Variants in ZNF207 observed in about 807,000 individuals in gnomAD.
The protein encoded by ZNF207 is BUB3-interacting and GLEBS motif-containing protein ZNF207.
A neutral mutation model predicts 60.2 loss-of-function variants in ZNF207; 24 were observed. That is an observed-to-expected ratio of 0.40 (90% CI 0.29 to 0.56). ZNF207 has a LOEUF of 0.56. Ranked by LOEUF, ZNF207 falls within the 20% of genes least tolerant of loss-of-function variation. The pLI is 0.49. For synonymous variants in ZNF207, 236 were observed against 194.7 expected, an observed-to-expected ratio of 1.21 and a Z score of -1.77; for missense variants, 452 against 636.6, an observed-to-expected ratio of 0.71 and a Z score of 3.12.
chr17:32,352,018 A>T, intron 2 of ZNF207, 106 bp downstream of exon 2: 7 of 1,166,312 alleles, frequency 6.0e-6, no homozygotes, highest in Non-Finnish European at 8.2e-6. Context: ...CCCAAGCTGG[A>T]GTGCAGTGGT....
At chr17:32,365,278 C>G in intron 7 of ZNF207, 52 bp from the exon 8 acceptor site, 13 of 1,560,672 alleles carry the variant, frequency 8.3e-6, no homozygotes, top group Non-Finnish European at 9.5e-6. Context: ...GCGTTTTTTT[C>G]CACACTAAAT....
Position 32,369,445 on chromosome 17 carries a change from C to T in ZNF207, c.1315C>T (p.Pro439Ser). The T allele has an allele frequency of 1.2e-6, 2 of 1,614,130 alleles. No individual in the cohort carries two copies. Among genetic ancestry groups the T allele is most frequent in the Non-Finnish European group, 8.5e-7 (1 of 1,180,016 alleles). Reference sequence around the variant, plus strand: ...GCAACAAGGAATGAGACCCCCAATGCCACCTCATGGTATTCCTCTTTTTAT... The same window carrying T: ...GCAACAAGGAATGAGACCCCCAATGTCACCTCATGGTATTCCTCTTTTTAT... The part of the protein sequence containing the change: ...PQQQGMRPPM[P>S]PHGQYGGHHQ... The change falls in exon 11 of 12, where the codon CCA becomes TCA. Residue 439 changes from proline to serine, a missense_variant. Around this residue, in one of 2 missense-constraint regions of ZNF207, gnomAD observed 390 missense variants for 461.4 expected, o/e 0.85. Coordinates refer to ENST00000394670, the MANE Select transcript of ZNF207 (RefSeq NM_001098507.2).
intron 1 of ZNF207, 84 bp from the exon 2 acceptor site, chr17:32,351,702 C>T: frequency 1.9e-6 from 3 of 1,610,946 alleles, no homozygotes; most frequent in Non-Finnish European, 2.5e-6. Flanking sequence ...TTTAGCTGTT[C>T]CCATATTGTA....
At position 32,357,930 on chromosome 17, in the gene ZNF207, C is replaced by T. The variant is rs559221374; in HGVS notation, c.169-573C>T. Among the ~76,000 whole-genome samples, 5 of 152,190 alleles carry T rather than the reference C, an allele frequency of 3.3e-5. No homozygotes were observed. In the East Asian group the frequency reaches 9.7e-4, roughly 30 times the overall value. On this transcript the variant is annotated intron_variant, in intron 2 of 11. Transcript: ENST00000394670. ...CAGTAGCTGGGATTACAGGCAGACCCCACCACACCCGACTAATTTTTTGTA... is the reference window on the plus strand; with the variant it reads ...CAGTAGCTGGGATTACAGGCAGACCTCACCACACCCGACTAATTTTTTGTA...
chr17:32,362,237 C>T (rs957641347), intron 6 of ZNF207, among the ~76,000 whole-genome samples: 1 of 152,118 alleles, frequency 6.6e-6, no homozygotes, highest in African/African-American at 2.4e-5. Context: ...CTTACTGCAG[C>T]CTTGACCTCC....
At chr17:32,355,318 G>A (rs1441140264) in intron 2 of ZNF207, among the ~76,000 whole-genome samples, 2 of 152,192 alleles carry the variant, frequency 1.3e-5, no homozygotes, top group Non-Finnish European at 2.9e-5. Context: ...GAGCTGGGGA[G>A]GACGAGACTG....
In ZNF207 at chr17:32,359,824, A is replaced by G. The variant is rs928155379; in HGVS notation, c.308-774A>G. The stretch of plus-strand genomic sequence containing the variant: ...GAGGTGGGAGGATCTCTTGAGCCCA[A>G]GGGGTTGAGGCTTCAGTGAGCTGTG... On this transcript the variant is annotated intron_variant, in intron 3 of 11. Coordinates refer to ENST00000394670, the MANE Select transcript of ZNF207 (RefSeq NM_001098507.2). Among the ~76,000 whole-genome samples, 6 of 152,040 alleles carry G rather than the reference A, an allele frequency of 3.9e-5. No homozygotes were observed. The East Asian group carries it at 9.7e-4, about 24-fold the overall frequency.
rs907089153 is a variant in ZNF207, at chr17:32,369,835, C to T, written c.*76C>T. ...TGTGCTGTTTATATAGCCAAGCTTCCGTCAATAAGGCTTCATTGTGACTTT... is the reference window on the plus strand; with the variant it reads ...TGTGCTGTTTATATAGCCAAGCTTCTGTCAATAAGGCTTCATTGTGACTTT... On this transcript the variant is annotated 3_prime_UTR_variant, in exon 12 of 12. Transcript: ENST00000394670. The T allele has an allele frequency of 1.9e-5, 26 of 1,335,548 alleles. No individual in the cohort carries two copies. The East Asian group carries it at 5.1e-4, about 26-fold the overall frequency. 82.7% of individuals were successfully genotyped at this position (1,335,548 alleles called of 1,614,324 possible). A position where few individuals can be genotyped will look rare whatever the true frequency, so the allele number is the denominator to read the frequency against.
In ZNF207 at chr17:32,358,527, G is replaced by A. The variant is rs1436673798; in HGVS notation, c.193G>A (p.Val65Ile). ...GGTACATAAAGAAACAATAGATGCC[G>A]TACCAAATGCAATACCTGGAAGAAC... ...MQVHKETIDA[V>I]PNAIPGRTDI... The change falls in exon 3 of 12, where the codon GTA becomes ATA. Residue 65 changes from valine (V) to isoleucine (I), a missense_variant. Around this residue, in one of 2 missense-constraint regions of ZNF207, gnomAD observed 62 missense variants for 175.3 expected, o/e 0.35. Transcript: ENST00000394670. 3.2e-6 allele frequency: 5 copies of A among 1,564,346 alleles called. No individual in the cohort carries two copies. The highest frequency in any genetic ancestry group is 2.1e-5 in the Admixed American group (1 of 48,458).
At chr17:32,360,179 C>CT (rs1567818089) in intron 3 of ZNF207, among the ~76,000 whole-genome samples, 1 of 105,630 alleles carries the variant, frequency 9.5e-6, no homozygotes, top group Non-Finnish European at 2.1e-5. Context: ...CACCTTTACC[C>CT]CCCCCCCAAA....
At chr17:32,356,674 G>A (rs2073391622) in intron 2 of ZNF207, among the ~76,000 whole-genome samples, 1 of 152,274 alleles carries the variant, frequency 6.6e-6, no homozygotes, top group East Asian at 1.9e-4. Context: ...TCTCAAACTT[G>A]AGCATGCATT....
chr17:32,362,908 T>C lies in ZNF207; in HGVS notation c.600-6T>C. 1 of 1,613,048 alleles carries C rather than the reference T, an allele frequency of 6.2e-7. No homozygotes were observed. Among genetic ancestry groups the C allele is most frequent in the South Asian group, 1.1e-5 (1 of 90,940 alleles). On this transcript the variant is annotated splice_region_variant and splice_polypyrimidine_tract_variant and intron_variant, in intron 6 of 11. Coordinates refer to ENST00000394670, the MANE Select transcript of ZNF207 (RefSeq NM_001098507.2). ...TTACTGTTTCTTGAAATTTGCTTTC[T>C]AATAGAATGATGCCAATGGGTGGAA... is the stretch of plus-strand genomic sequence containing the variant.
intron 2 of ZNF207, among the ~76,000 whole-genome samples, chr17:32,357,805 T>C (rs1269223789): frequency 6.6e-6 from 1 of 151,952 alleles, no homozygotes; most frequent in African/African-American, 2.4e-5. Flanking sequence ...CCTGCTAATT[T>C]TTTTTTTGTT....
intron 2 of ZNF207, among the ~76,000 whole-genome samples, chr17:32,355,224 G>T (rs1364454227): frequency 6.6e-6 from 1 of 152,090 alleles, no homozygotes; most frequent in Non-Finnish European, 1.5e-5. Flanking sequence ...ATGAGACCCT[G>T]TCTCTACAAA....
rs1232774428 is a variant in ZNF207, at chr17:32,370,526, A to G, written c.*767A>G. On this transcript the variant is annotated 3_prime_UTR_variant, in exon 12 of 12. Transcript: ENST00000394670. ...TGCATGTTTTAAACTGAATTTGCAT[A>G]GAGTTGTATGTTAATGTTTCAGTTA... 2 of 152,240 alleles carry G rather than the reference A, an allele frequency of 1.3e-5. No homozygotes were observed. The highest frequency in any genetic ancestry group is 4.8e-5 in the African/African-American group (2 of 41,460). The allele number at this position is 152,240 out of a possible 1,614,324, so 9.4% of individuals were successfully genotyped here. A position where few individuals can be genotyped will look rare whatever the true frequency, so the allele number is the denominator to read the frequency against.
In ZNF207 at chr17:32,379,726, A is replaced by G. The variant is rs1428616202; in HGVS notation, c.*9967A>G. 2.0e-5 allele frequency: 3 copies of G among 152,174 alleles called. No individual in the cohort carries two copies. The highest frequency in any genetic ancestry group is 7.2e-5 in the African/African-American group (3 of 41,460). 9.4% of individuals were successfully genotyped at this position (152,174 alleles called of 1,614,324 possible). On this transcript the variant is annotated 3_prime_UTR_variant, in exon 12 of 12. Coordinates refer to ENST00000394670, the MANE Select transcript of ZNF207 (RefSeq NM_001098507.2). ...TTTCTTTGAGAGGCTTAAAAATTTC[A>G]AAAGTATTATTTAAGCCACTCTAAC...
chr17:32,380,486 ATTAT>A lies in ZNF207; in HGVS notation c.*10730_*10733del, dbSNP rs1487885369. On this transcript the variant is annotated 3_prime_UTR_variant, in exon 12 of 12. Transcript: ENST00000394670. ...GTTAAAGAAAATATCTTCAAGAAGG[ATTAT>A]TTCAGTGTCCCTTTTTAAAACTCGA... 1 of 152,174 alleles carries A rather than the reference ATTAT, an allele frequency of 6.6e-6. No individual in the cohort carries two copies. Among genetic ancestry groups the A allele is most frequent in the Non-Finnish European group, 1.5e-5 (1 of 68,032 alleles). 9.4% of individuals were successfully genotyped at this position (152,174 alleles called of 1,614,324 possible). A position where few individuals can be genotyped will look rare whatever the true frequency, so the allele number is the denominator to read the frequency against.
intron 7 of ZNF207, among the ~76,000 whole-genome samples, chr17:32,363,382 C>T (rs1415288938): frequency 6.6e-6 from 1 of 152,056 alleles, no homozygotes; most frequent in African/African-American, 2.4e-5. Context: ...GCCACCACGC[C>T]TGGCTGGCCC....
chr17:32,376,631 T>G lies in ZNF207; in HGVS notation c.*6872T>G, dbSNP rs1905684529. On this transcript the variant is annotated 3_prime_UTR_variant, in exon 12 of 12. Coordinates refer to ENST00000394670, the MANE Select transcript of ZNF207 (RefSeq NM_001098507.2). ...AAGGTAGGTCTTCGCTGAAACTAAT[T>G]TGAACTATTCCTATTTGAAGCAAAT... 2.0e-5 allele frequency: 3 copies of G among 152,044 alleles called. No individual in the cohort carries two copies. Among genetic ancestry groups the G allele is most frequent in the Admixed American group, 2.0e-4 (3 of 15,254 alleles). 9.4% of individuals were successfully genotyped at this position (152,044 alleles called of 1,614,324 possible). A position where few individuals can be genotyped will look rare whatever the true frequency, so the allele number is the denominator to read the frequency against.
Sources: gnomAD v4.1 joint callset for allele counts (sites outside exome capture counted in the v4.1 genomes callset) on GRCh38, gnomAD v4.1.1 for gene constraint, gnomAD v4.1.1 regional missense constraint, MANE v1.5 for transcripts, NCBI Gene and HGNC (gene_info 2026-07-23, HGNC 2026-07-21) for gene names.